The following DMGDH variants were observed in gnomAD, a reference collection of about 807,000 sequenced individuals.
DMGDH encodes the protein dimethylglycine dehydrogenase, also known as dimethylglycine dehydrogenase, mitochondrial.
In DMGDH, 76 loss-of-function variants were observed where a neutral mutation model predicts 95.2. That is an observed-to-expected ratio of 0.80 (90% CI 0.66 to 0.97). The LOEUF is 0.97. DMGDH is among the 50% of genes least tolerant of loss of function. The pLI, the probability that DMGDH is intolerant of heterozygous loss-of-function variation, is 0.00. For missense variants in DMGDH, 987 were observed against 1,055.0 expected (o/e 0.94, Z 0.89); for synonymous variants, 345 against 377.6 (o/e 0.91, Z 1.00).
chr5:79,002,648 C>T (rs1753472948), intron 15 of DMGDH, among the ~76,000 whole-genome samples: 2 of 152,098 alleles, frequency 1.3e-5, no homozygotes, highest in Admixed American at 1.3e-4. Context: ...AGTCAATAAA[C>T]AAATACATTT....
intron 14 of DMGDH, chr5:79,021,600 A>G: frequency 7.6e-7 from 1 of 1,309,474 alleles, no homozygotes; most frequent in Non-Finnish European, 1.0e-6. Flanking sequence ...CAAGAACACG[A>G]TTCACCCTAA....
At chr5:79,044,280 C>A in intron 6 of DMGDH, 24 bp downstream of exon 6, 3 of 1,614,216 alleles carry the variant, frequency 1.9e-6, no homozygotes, top group Non-Finnish European at 2.5e-6. Flanking sequence ...CTGACTAGCA[C>A]ACACTTTCAT....
chr5:79,047,280 T>G (rs1468444572), intron 5 of DMGDH, among the ~76,000 whole-genome samples: 1 of 152,064 alleles, frequency 6.6e-6, no homozygotes, highest in Non-Finnish European at 1.5e-5. Flanking sequence ...AAAAATGCAG[T>G]GATTAATAAA....
At chr5:79,055,767 G>A in intron 3 of DMGDH, 43 bp downstream of exon 3, 1 of 1,312,820 alleles carries the variant, frequency 7.6e-7, no homozygotes. Flanking sequence ...ACATGTTTCT[G>A]AGAAGCCGAC....
intron 1 of DMGDH, 50 bp from the exon 2 acceptor site, chr5:79,063,837 T>C (rs769176359): frequency 9.4e-6 from 15 of 1,594,568 alleles, no homozygotes; most frequent in African/African-American, 2.7e-5. Context: ...ATGGTAGCTA[T>C]AGTTCTGGCC....
intron 14 of DMGDH, chr5:79,021,022 C>T (rs1167134090): frequency 1.0e-6 from 1 of 985,404 alleles, no homozygotes. Flanking sequence ...ACTGATTTTC[C>T]TCCCAAAAGT....
Position 79,032,859 on chromosome 5 carries a change from T to C in DMGDH, c.1364-19A>G, listed in dbSNP as rs75001541. 2.2e-3 allele frequency: 3,569 copies of C among 1,613,822 alleles called. 4 individuals carry two copies. Among genetic ancestry groups the C allele is most frequent in the Non-Finnish European group, 2.8e-3 (3,266 of 1,180,010 alleles). ...TAACCAACTGAAAAGGAAAAATTGG[T>C]ACTTTAAATCACATATAGCCAAAAC... On this transcript the variant is annotated intron_variant, in intron 8 of 15. Coordinates refer to ENST00000255189, the MANE Select transcript of DMGDH (RefSeq NM_013391.3).
intron 1 of DMGDH, among the ~76,000 whole-genome samples, chr5:79,066,495 C>T (rs1755386128): frequency 1.3e-5 from 2 of 151,326 alleles, no homozygotes; most frequent in South Asian, 4.2e-4. Context: ...GGGGTTTCTC[C>T]ATGCTAACCG....
chr5:79,020,810 A>G (rs1235419032), intron 14 of DMGDH: 48 of 985,298 alleles, frequency 4.9e-5, no homozygotes, highest in Non-Finnish European at 5.8e-5. Flanking sequence ...TATAGAAAAC[A>G]AATTCTTCTG....
In DMGDH at chr5:79,005,195, T is replaced by C. The variant is rs571314514; in HGVS notation, c.2385+78A>G. ...ACAAATAATTAATAGCAAAAGGGTT[T>C]AAGAGGAAATAGGAACAAGGGGAGT... On this transcript the variant is annotated intron_variant, in intron 15 of 15. Coordinates refer to ENST00000255189, the MANE Select transcript of DMGDH (RefSeq NM_013391.3). The C allele has an allele frequency of 3.5e-5, 55 of 1,592,632 alleles. 1 individual carries two copies. In the South Asian group the frequency reaches 5.7e-4, roughly 16 times the overall value.
chr5:79,026,449 T>C lies in DMGDH; in HGVS notation c.2165A>G (p.Lys722Arg). 6.2e-7 allele frequency: 1 copy of C among 1,614,126 alleles called. No homozygotes were observed. The highest frequency in any genetic ancestry group is 8.5e-7 in the Non-Finnish European group (1 of 1,179,996). The change falls in exon 13 of 16, where the codon AAA becomes AGA. Residue 722 changes from lysine (K) to arginine (R), a missense_variant. Physicochemically the swap from Lys to Arg is conservative, Grantham distance 26. Transcript: ENST00000255189. ...TYAMNALRLE[K>R]AFRAWGLEMN... is the part of the protein sequence containing the mutation. ...CTCTAACCCCCAGGCTCTGAAGGCT[T>C]TCTCCAGGCGTAAGGCATTCATGGC...
At chr5:79,063,823 G>C in intron 1 of DMGDH, 36 bp from the exon 2 acceptor site, 1 of 1,606,538 alleles carries the variant, frequency 6.2e-7, no homozygotes, top group South Asian at 1.1e-5. Context: ...AACTTCAATC[G>C]GCAATGGTAG....
chr5:78,998,966 C>G (rs1753405836), intron 15 of DMGDH, among the ~76,000 whole-genome samples: 1 of 152,178 alleles, frequency 6.6e-6, no homozygotes. Flanking sequence ...TACATTACAT[C>G]AAAACATTAC....
At chr5:79,068,466 T>C (rs758697787) in intron 1 of DMGDH, among the ~76,000 whole-genome samples, 13 of 152,120 alleles carry the variant, frequency 8.5e-5, no homozygotes, top group African/African-American at 2.9e-4. Context: ...ACCTCAGAAG[T>C]GTAAGGTCAC....
chr5:79,031,492 G>A (rs1051439781), intron 9 of DMGDH, among the ~76,000 whole-genome samples: 3 of 152,228 alleles, frequency 2.0e-5, no homozygotes, highest in Non-Finnish European at 4.4e-5. Context: ...GAAGCAGCAG[G>A]TATGGGGTGG....
At chr5:79,020,152 T>C (rs182585081) in intron 14 of DMGDH, among the ~76,000 whole-genome samples, 20 of 152,328 alleles carry the variant, frequency 1.3e-4, no homozygotes, top group Admixed American at 7.2e-4. Flanking sequence ...ACAGTAATTC[T>C]CCATCTCTGC....
At chr5:79,059,253 GTAA>G (rs1755124482) in intron 2 of DMGDH, among the ~76,000 whole-genome samples, 1 of 152,210 alleles carries the variant, frequency 6.6e-6, no homozygotes, top group South Asian at 2.1e-4. Flanking sequence ...CTTAACGTTT[GTAA>G]TACAGCGATG....
intron 6 of DMGDH, among the ~76,000 whole-genome samples, chr5:79,043,216 G>T (rs1423935892): frequency 6.6e-6 from 1 of 152,160 alleles, no homozygotes; most frequent in Non-Finnish European, 1.5e-5. Context: ...CCATCAGGGT[G>T]GACTAGCACA....
At chr5:79,009,224 T>G (rs1044378465) in intron 14 of DMGDH, among the ~76,000 whole-genome samples, 3 of 152,198 alleles carry the variant, frequency 2.0e-5, no homozygotes, top group African/African-American at 7.2e-5. Context: ...TATTTGTATA[T>G]CCCTAAATTA....
Sources: gnomAD v4.1 joint callset for allele counts (sites outside exome capture counted in the v4.1 genomes callset) on GRCh38, gnomAD v4.1.1 for gene constraint, MANE v1.5 for transcripts, NCBI Gene and HGNC (gene_info 2026-07-23, HGNC 2026-07-21) for gene names.